The following ESYT3 variants were observed in gnomAD, a reference collection of about 807,000 sequenced individuals.
ESYT3 encodes extended synaptotagmin 3.
Under a neutral mutation model 111.5 loss-of-function variants are expected in ESYT3, and 101 were observed. The ratio of observed to expected loss-of-function variants is 0.91; its 90% CI spans 0.77 to 1.07. The LOEUF (loss-of-function observed/expected upper bound fraction) is 1.07. ESYT3 is among the 50% of genes least tolerant of loss of function. ESYT3 has a pLI of 0.00. For synonymous variants in ESYT3, 416 were observed against 446.8 expected (o/e 0.93, Z 0.87); for missense variants, 1,097 against 1,109.4 (o/e 0.99, Z 0.16).
intron 16 of ESYT3, 110 bp downstream of exon 16, chr3:138,470,256 A>C: frequency 7.0e-7 from 1 of 1,428,586 alleles, no homozygotes. Context: ...GTTTAAAGTC[A>C]GCCCCTTGTA....
chr3:138,437,758 G>A (rs747027604), intron 1 of ESYT3, among the ~76,000 whole-genome samples: 3 of 152,118 alleles, frequency 2.0e-5, no homozygotes, highest in South Asian at 4.2e-4. Context: ...TGGGAGATGC[G>A]TGGGAGTGGG....
chr3:138,464,403 T>C lies in ESYT3; in HGVS notation c.974T>C (p.Leu325Pro). 1.2e-6 allele frequency: 2 copies of C among 1,614,164 alleles called. No individual in the cohort carries two copies. The highest frequency in any genetic ancestry group is 1.7e-6 in the Non-Finnish European group (2 of 1,180,014). The change falls in exon 9 of 23, where the codon CTG becomes CCG. Residue 325 changes from leucine (L) to proline (P), a missense_variant. Leu to Pro is a moderately conservative substitution (Grantham distance 98, BLOSUM62 -3). Transcript: ENST00000389567. ...AEQLAQKDNF[L>P]GLRGKSDPYA... is the part of the protein sequence containing the mutation. Reference sequence around the variant, plus strand: ...CAGCTGGCCCAGAAGGACAACTTTCTGGGGCTCCGAGGCAAGTCAGATCCC... The same window carrying C: ...CAGCTGGCCCAGAAGGACAACTTTCCGGGGCTCCGAGGCAAGTCAGATCCC...
intron 1 of ESYT3, among the ~76,000 whole-genome samples, chr3:138,444,425 T>C (rs1459617454): frequency 2.0e-5 from 3 of 152,202 alleles, no homozygotes; most frequent in Admixed American, 1.3e-4. Context: ...TCACCTATAA[T>C]ACATCAGTGA....
chr3:138,468,542 G>T, intron 12 of ESYT3, 113 bp from the exon 13 acceptor site: 2 of 1,057,318 alleles, frequency 1.9e-6, no homozygotes, highest in South Asian at 2.6e-5. Flanking sequence ...CCGGCAGCTA[G>T]TCTGGAGTGT....
rs367903560 is a variant in ESYT3, at chr3:138,440,424, C to T, written c.327+5299C>T. Among the ~76,000 whole-genome samples the T allele has an allele frequency of 6.6e-5, 10 of 152,282 alleles. No homozygotes were observed. The East Asian group carries it at 1.7e-3, about 26-fold the overall frequency. On this transcript the variant is annotated intron_variant, in intron 1 of 22. Coordinates refer to ENST00000389567, the MANE Select transcript of ESYT3 (RefSeq NM_031913.5). This position sits in a 1 kb window ranked among gnomAD's most constrained non-coding sequence, Gnocchi z 4.2. ...CAGGACCCAGGCTCTCAGGGTCTGT[C>T]CTGAGATACTTCAGTTAATTAGAGG...
In ESYT3 at chr3:138,457,614, G is replaced by A. The variant is rs769328420; in HGVS notation, c.551G>A (p.Arg184Gln). Residue 184 changes from arginine to glutamine, a missense_variant, in exon 4 of 23, where the codon CGA becomes CAA. Physicochemically the swap from Arg to Gln is conservative, Grantham distance 43. Transcript: ENST00000389567. The stretch of plus-strand genomic sequence containing the variant: ...AAGGCACACACTAATACGTGCAACC[G>A]AAGACGTGTGACTGTGGACCTGCAG... The part of the protein sequence containing the change: ...GVKAHTNTCN[R>Q]RRVTVDLQIC... 2.4e-5 allele frequency: 38 copies of A among 1,614,072 alleles called. No individual in the cohort carries two copies. The East Asian group carries it at 5.3e-4, about 23-fold the overall frequency.
rs752734888 is a variant in ESYT3, at chr3:138,468,836, C to T, written c.1389C>T (p.Tyr463=). 5 of 1,614,174 alleles carry T rather than the reference C, an allele frequency of 3.1e-6. No homozygotes were observed. The South Asian group carries it at 3.3e-5, about 11-fold the overall frequency. ...TGCTGCAGAGAAACCCTTTTGACTA[C>T]CTGAATGGTGAATATCGAGCCAAAA... ...ACNLPRNPFD[Y]LNGEYRAKKL... is the part of the protein sequence containing the mutation. Residue 463 remains tyrosine (Y), a synonymous_variant, in exon 14 of 23, where the codon TAC becomes TAT. Transcript: ENST00000389567.
Position 138,435,013 on chromosome 3 carries a change from G to A in ESYT3, c.215G>A (p.Trp72Ter), listed in dbSNP as rs2030530533. Reference sequence around the variant, plus strand: ...CTCGGCGCCCTGCTGTGGATGTGGTGGCGCAGGAACCGCCGCGGGAAGCTT... The same window carrying A: ...CTCGGCGCCCTGCTGTGGATGTGGTAGCGCAGGAACCGCCGCGGGAAGCTT... ...LLLGALLWMWWRRNRRGKLGR... is the reference protein window; with the variant it reads ...LLLGALLWMW The change falls in exon 1 of 23, where the codon TGG (tryptophan) becomes TAG (stop). Residue 72 changes from tryptophan (W) to a stop codon, truncating the protein, a stop_gained. Coordinates refer to ENST00000389567, the MANE Select transcript of ESYT3 (RefSeq NM_031913.5). LOFTEE classifies it high-confidence loss of function. The surrounding 1 kb of genome is among the most constrained non-coding windows in gnomAD (Gnocchi z 4.8). 1 of 1,573,448 alleles carries A rather than the reference G, an allele frequency of 6.4e-7. No homozygotes were observed. The highest frequency in any genetic ancestry group is 8.6e-7 in the Non-Finnish European group (1 of 1,159,556).
At position 138,476,907 on chromosome 3, in the gene ESYT3, TA is replaced by T; in HGVS notation, c.*54del. Reference sequence around the variant, plus strand: ...ATATTAAAATGTATATATATGTATATATTTTTTCCTTTGGATCACTTACATC... The same window carrying T: ...ATATTAAAATGTATATATATGTATATTTTTTTCCTTTGGATCACTTACATC... On this transcript the variant is annotated 3_prime_UTR_variant, in exon 23 of 23. Coordinates refer to ENST00000389567, the MANE Select transcript of ESYT3 (RefSeq NM_031913.5). 1 of 1,448,682 alleles carries T rather than the reference TA, an allele frequency of 6.9e-7. No individual in the cohort carries two copies. The allele number at this position is 1,448,682 out of a possible 1,614,324, so 89.7% of individuals were successfully genotyped here.
At position 138,434,848 on chromosome 3, in the gene ESYT3, C is replaced by G; in HGVS notation, c.50C>G (p.Ala17Gly). Reference sequence around the variant, plus strand: ...CCCGGGGCCCCCAGCGCCCTGGGAGCCCAGCGCACGCCGGGCCCCGAGCTG... The same window carrying G: ...CCCGGGGCCCCCAGCGCCCTGGGAGGCCAGCGCACGCCGGGCCCCGAGCTG... ...CAPGAPSALG[A>G]QRTPGPELRL... The change falls in exon 1 of 23, where the codon GCC becomes GGC. Residue 17 changes from alanine (A) to glycine (G), a missense_variant. Ala to Gly is a moderately conservative substitution (Grantham distance 60). Coordinates refer to ENST00000389567, the MANE Select transcript of ESYT3 (RefSeq NM_031913.5). The G allele has an allele frequency of 6.4e-7, 1 of 1,550,716 alleles. No homozygotes were observed. Among genetic ancestry groups the G allele is most frequent in the Non-Finnish European group, 8.7e-7 (1 of 1,147,712 alleles).
At chr3:138,471,701 T>G (rs560087278) in intron 17 of ESYT3, among the ~76,000 whole-genome samples, 19 of 152,236 alleles carry the variant, frequency 1.2e-4, no homozygotes, top group Non-Finnish European at 2.6e-4. Flanking sequence ...GGATCGAGGT[T>G]GTTCTCTTCC....
intron 9 of ESYT3, among the ~76,000 whole-genome samples, chr3:138,465,097 C>A (rs190209551): frequency 6.6e-6 from 1 of 152,340 alleles, no homozygotes; most frequent in East Asian, 1.9e-4. Context: ...ACCGCATGGC[C>A]CATGCAGAAC....
At chr3:138,464,565 C>G in intron 9 of ESYT3, 50 bp downstream of exon 9, 1 of 1,597,754 alleles carries the variant, frequency 6.3e-7, no homozygotes, top group Non-Finnish European at 8.6e-7. Flanking sequence ...TCATGCTGGG[C>G]AGAGGCAATC....
intron 20 of ESYT3, 127 bp from the exon 21 acceptor site, chr3:138,476,096 G>A (rs987135481): frequency 3.1e-6 from 2 of 651,492 alleles, no homozygotes; most frequent in Admixed American, 5.3e-5. Flanking sequence ...TTATGAGCCA[G>A]TCCTGCTCTA....
intron 17 of ESYT3, among the ~76,000 whole-genome samples, chr3:138,471,646 T>C (rs187243854): frequency 7.9e-5 from 12 of 152,366 alleles, no homozygotes; most frequent in Middle Eastern, 3.4e-3. Flanking sequence ...ATTTCTGTTT[T>C]ATAACTTGGA....
intron 15 of ESYT3, among the ~76,000 whole-genome samples, 155 bp downstream of exon 15, chr3:138,469,659 A>T (rs2033116710): frequency 6.6e-6 from 1 of 152,208 alleles, no homozygotes. Context: ...AAATAGTTTT[A>T]TAATTCAAGA....
At chr3:138,462,062 C>T (rs763200212) in intron 7 of ESYT3, 24 bp from the exon 8 acceptor site, 9 of 1,613,468 alleles carry the variant, frequency 5.6e-6, no homozygotes, top group Middle Eastern at 1.7e-4. Flanking sequence ...CACCCCTCCA[C>T]AGCTGGTCCT....
At chr3:138,447,989 C>A (rs938258322) in intron 1 of ESYT3, among the ~76,000 whole-genome samples, 1 of 151,648 alleles carries the variant, frequency 6.6e-6, no homozygotes. Flanking sequence ...AATCGGCGGC[C>A]GGGTGTGGTG....
intron 1 of ESYT3, among the ~76,000 whole-genome samples, chr3:138,442,878 C>T (rs2031259770): frequency 6.6e-6 from 1 of 152,180 alleles, no homozygotes; most frequent in South Asian, 2.1e-4. Flanking sequence ...ACACTTTTGC[C>T]CATTCACTGT....
Sources: gnomAD v4.1 joint callset for allele counts (sites outside exome capture counted in the v4.1 genomes callset) on GRCh38, gnomAD v4.1.1 for gene constraint, Gnocchi (gnomAD v3.1) non-coding constraint, MANE v1.5 for transcripts, NCBI Gene and HGNC (gene_info 2026-07-23, HGNC 2026-07-21) for gene names.